DOK5: variants seen among roughly 807,000 people sequenced by gnomAD.
DOK5 encodes the protein downstream of tyrosine kinase 5.
DOK5 carries 27 observed loss-of-function variants against 43.3 expected under a neutral mutation model. The ratio of observed to expected loss-of-function variants is 0.62; its 90% CI spans 0.46 to 0.86. DOK5 has a LOEUF of 0.86. DOK5 is among the 40% of genes least tolerant of loss of function. DOK5 has a pLI of 0.00. For missense variants in DOK5, 373 were observed against 392.9 expected (o/e 0.95, Z 0.43); for synonymous variants, 146 against 140.1 (o/e 1.04, Z -0.30).
chr20:54,525,085 G>A (rs150897585), intron 1 of DOK5, among the ~76,000 whole-genome samples: 91 of 152,326 alleles, frequency 6.0e-4, no homozygotes, highest in African/African-American at 2.0e-3. Flanking sequence ...ATTGCTCTGA[G>A]CACTTGTGTT....
chr20:54,484,890 C>G (rs936350104), intron 1 of DOK5, among the ~76,000 whole-genome samples: 1 of 152,152 alleles, frequency 6.6e-6, no homozygotes, highest in South Asian at 2.1e-4. Context: ...TGGTGGTACA[C>G]GCCTGTAGTG....
intron 6 of DOK5, among the ~76,000 whole-genome samples, chr20:54,626,869 A>C (rs961626662): frequency 2.0e-5 from 3 of 152,228 alleles, no homozygotes; most frequent in African/African-American, 7.2e-5. Context: ...CCACGGGTGC[A>C]ATCTGGCCTA....
intron 2 of DOK5, among the ~76,000 whole-genome samples, chr20:54,557,989 C>A (rs1260693294): frequency 2.0e-5 from 3 of 152,134 alleles, no homozygotes; most frequent in African/African-American, 7.2e-5. Flanking sequence ...GAATCTAACA[C>A]ATAGTGAACA....
chr20:54,478,039 C>G (rs765061382), intron 1 of DOK5, among the ~76,000 whole-genome samples: 34 of 152,320 alleles, frequency 2.2e-4, no homozygotes, highest in Non-Finnish European at 4.1e-4. Flanking sequence ...TATACTTTCT[C>G]AAGATTTATT....
rs566191082 is a variant in DOK5 at position 54,485,424 on chromosome 20, T to A, written c.66+9412T>A. Among the ~76,000 whole-genome samples the A allele has an allele frequency of 1.1e-4, 17 of 152,330 alleles. 1 individual carries two copies. Among genetic ancestry groups the A allele is most frequent in the Admixed American group, 7.8e-4 (12 of 15,290 alleles). ...TGTAATGTTTGGGGATTGGCTTTTT[T>A]AAAACTCAATATAATCCCCTGAGAT... is the stretch of plus-strand genomic sequence containing the variant. On this transcript the variant is annotated intron_variant, in intron 1 of 7. Transcript: ENST00000262593.
chr20:54,606,077 A>G (rs1423212884), intron 5 of DOK5, among the ~76,000 whole-genome samples: 2 of 152,216 alleles, frequency 1.3e-5, no homozygotes, highest in East Asian at 3.8e-4. Flanking sequence ...GGAAGAATGA[A>G]TCCTTCCCAA....
At chr20:54,513,721 A>G (rs1983095241) in intron 1 of DOK5, among the ~76,000 whole-genome samples, 1 of 152,218 alleles carries the variant, frequency 6.6e-6, no homozygotes, top group Non-Finnish European at 1.5e-5. Flanking sequence ...GGGATTTTAG[A>G]CAGCTGATGT....
chr20:54,634,172 A>T (rs1978704462), intron 6 of DOK5, among the ~76,000 whole-genome samples: 2 of 152,260 alleles, frequency 1.3e-5, no homozygotes, highest in African/African-American at 4.8e-5. Context: ...CGGTCATTAG[A>T]ATCTTTTTCT....
At chr20:54,595,565 T>C (rs1374808856) in intron 5 of DOK5, among the ~76,000 whole-genome samples, 2 of 152,246 alleles carry the variant, frequency 1.3e-5, no homozygotes, top group South Asian at 2.1e-4. Flanking sequence ...TTATGGTCCA[T>C]CCATTTGCTT....
chr20:54,644,297 C>T (rs567272824), intron 7 of DOK5, among the ~76,000 whole-genome samples: 9 of 152,268 alleles, frequency 5.9e-5, no homozygotes, highest in Non-Finnish European at 7.4e-5. Context: ...AATGGCCAGG[C>T]GTGGTGGCTC....
chr20:54,648,563 C>T (rs1334108043), intron 7 of DOK5, among the ~76,000 whole-genome samples: 3 of 151,930 alleles, frequency 2.0e-5, no homozygotes, highest in Non-Finnish European at 4.4e-5. Context: ...ATAGAGAGGT[C>T]AGCAAATGCA....
At chr20:54,625,147 T>C (rs1369401966) in intron 6 of DOK5, among the ~76,000 whole-genome samples, 1 of 152,196 alleles carries the variant, frequency 6.6e-6, no homozygotes, top group Non-Finnish European at 1.5e-5. Flanking sequence ...AGAGAGGACT[T>C]GGAGAAAGTA....
intron 7 of DOK5, among the ~76,000 whole-genome samples, chr20:54,647,841 C>T (rs1015797352): frequency 6.6e-6 from 1 of 152,324 alleles, no homozygotes; most frequent in East Asian, 1.9e-4. Flanking sequence ...CAAAGCTCTG[C>T]ACATCTATTT....
chr20:54,518,999 A>G (rs939883592), intron 1 of DOK5, among the ~76,000 whole-genome samples: 2 of 152,200 alleles, frequency 1.3e-5, no homozygotes, highest in African/African-American at 4.8e-5. Context: ...CAAAACCACA[A>G]TGAGATACCA....
Position 54,588,515 on chromosome 20 carries a change from T to C in DOK5, c.207T>C (p.Ala69=), listed in dbSNP as rs1397141676. 6.2e-7 allele frequency: 1 copy of C among 1,614,052 alleles called. No homozygotes were observed. Residue 69 remains alanine, a synonymous_variant, in exon 3 of 8, where the codon GCT becomes GCC. Coordinates refer to ENST00000262593, the MANE Select transcript of DOK5 (RefSeq NM_018431.5). ...AACTCAATAATGTGAAGAACGTAGC[T>C]CGATTGCCAAAAAGCACCAAGAAAC... ...VTELNNVKNV[A]RLPKSTKKHA... is the part of the protein sequence containing the mutation.
chr20:54,554,830 T>C, intron 1 of DOK5, 103 bp from the exon 2 acceptor site: 1 of 727,564 alleles, frequency 1.4e-6, no homozygotes, highest in Non-Finnish European at 2.3e-6. Flanking sequence ...ATCACATTTC[T>C]GGCTTGCAAA....
At chr20:54,564,060 C>A (rs146408728) in intron 2 of DOK5, among the ~76,000 whole-genome samples, 8 of 152,244 alleles carry the variant, frequency 5.3e-5, no homozygotes, top group Non-Finnish European at 8.8e-5. Flanking sequence ...CTCCTATTTT[C>A]TTTCAGTTAT....
rs1034760413 is a variant in DOK5 at position 54,615,383 on chromosome 20, A to C, written c.735+4860A>C. Among the ~76,000 whole-genome samples, 9 of 152,292 alleles carry C rather than the reference A, an allele frequency of 5.9e-5. No individual in the cohort carries two copies. In the East Asian group the frequency reaches 1.2e-3, roughly 20 times the overall value. ...CTTTGCAGGTGTGATCGAGTTAAGG[A>C]TCCTGAGATGGCGACAGTATCCTGG... On this transcript the variant is annotated intron_variant, in intron 6 of 7. Coordinates refer to ENST00000262593, the MANE Select transcript of DOK5 (RefSeq NM_018431.5).
intron 1 of DOK5, among the ~76,000 whole-genome samples, chr20:54,497,194 G>A (rs761451991): frequency 2.6e-5 from 4 of 152,178 alleles, no homozygotes; most frequent in African/African-American, 4.8e-5. Flanking sequence ...AGATTCTGAA[G>A]TTGCGGACCA....
Sources: gnomAD v4.1 joint callset for allele counts (sites outside exome capture counted in the v4.1 genomes callset) on GRCh38, gnomAD v4.1.1 for gene constraint, MANE v1.5 for transcripts, NCBI Gene and HGNC (gene_info 2026-07-23, HGNC 2026-07-21) for gene names.